Variants in ABCA13 observed in about 807,000 individuals in gnomAD.
ABCA13 encodes the protein ATP binding cassette subfamily A member 13, also known as ATP-binding cassette sub-family A member 13.
A neutral mutation model predicts 478.7 loss-of-function variants in ABCA13; 476 were observed. The observed-to-expected ratio is 0.99, with a 90% confidence interval of 0.92 to 1.07. The LOEUF (loss-of-function observed/expected upper bound fraction) is 1.07, where lower values mean the gene tolerates loss of function less well. Ranked by LOEUF, ABCA13 falls within the 50% of genes least tolerant of loss-of-function variation. ABCA13 has a pLI of 0.00. For missense variants in ABCA13, 6,060 were observed against 5,910.6 expected (o/e 1.03, Z -0.83); for synonymous variants, 2,252 against 2,158.9 (o/e 1.04, Z -1.20).
intron 29 of ABCA13, 26 bp downstream of exon 29, chr7:48,338,481 T>TGG: frequency 6.5e-7 from 1 of 1,549,848 alleles, no homozygotes; most frequent in Non-Finnish European, 8.8e-7. Context: ...GGCATGGTAG[T>TGG]GTTCTTCTGC....
At chr7:48,450,245 A>T (rs1281525022) in intron 42 of ABCA13, among the ~76,000 whole-genome samples, 3 of 152,216 alleles carry the variant, frequency 2.0e-5, no homozygotes, top group Admixed American at 2.0e-4. Flanking sequence ...AGAATTCTGT[A>T]ACTCACTGAA....
chr7:48,642,415 A>G (rs1795159622), intron 59 of ABCA13, among the ~76,000 whole-genome samples: 1 of 152,222 alleles, frequency 6.6e-6, no homozygotes, highest in Admixed American at 6.5e-5. Context: ...AAGACTGGGC[A>G]TGCCATTTCA....
Position 48,271,769 on chromosome 7 carries a change from A to G in ABCA13, c.2121-18A>G. 2 of 1,282,370 alleles carry G rather than the reference A, an allele frequency of 1.6e-6. No individual in the cohort carries two copies. Among genetic ancestry groups the G allele is most frequent in the Non-Finnish European group, 2.0e-6 (2 of 991,042 alleles). The allele number at this position is 1,282,370 out of a possible 1,614,324, so 79.4% of individuals were successfully genotyped here. On this transcript the variant is annotated intron_variant, in intron 16 of 61. Coordinates refer to ENST00000435803, the MANE Select transcript of ABCA13 (RefSeq NM_152701.5). The stretch of plus-strand genomic sequence containing the variant: ...TATTTTTTTATTTTATACTAAAATA[A>G]TTCTATTAATATTACAGGGCTTTAA...
At chr7:48,476,361 A>G (rs1251575262) in intron 45 of ABCA13, among the ~76,000 whole-genome samples, 1 of 152,192 alleles carries the variant, frequency 6.6e-6, no homozygotes, top group African/African-American at 2.4e-5. Flanking sequence ...CTGCTTGTAG[A>G]AAGAGGCCAA....
chr7:48,516,912 T>G, intron 52 of ABCA13, 31 bp downstream of exon 52: 1 of 1,599,616 alleles, frequency 6.3e-7, no homozygotes, highest in Non-Finnish European at 8.5e-7. Context: ...ACCTCTACAC[T>G]TCTGCACCTC....
chr7:48,534,462 T>G (rs1833437894), intron 55 of ABCA13, among the ~76,000 whole-genome samples: 1 of 152,176 alleles, frequency 6.6e-6, no homozygotes, highest in African/African-American at 2.4e-5. Flanking sequence ...ATTTGCATGG[T>G]TTTGAGGGTT....
intron 1 of ABCA13, among the ~76,000 whole-genome samples, chr7:48,181,797 CT>C (rs1417392514): frequency 1.3e-5 from 2 of 152,116 alleles, no homozygotes; most frequent in Non-Finnish European, 2.9e-5. Flanking sequence ...TTTTCTAGCT[CT>C]TCTTTCTTCT....
intron 42 of ABCA13, among the ~76,000 whole-genome samples, chr7:48,436,543 C>A (rs1822858104): frequency 6.6e-6 from 1 of 151,580 alleles, no homozygotes; most frequent in South Asian, 2.1e-4. Context: ...GTATTTACTC[C>A]ATTATTTCTG....
chr7:48,435,956 A>G (rs1822770359), intron 42 of ABCA13, among the ~76,000 whole-genome samples: 1 of 149,750 alleles, frequency 6.7e-6, no homozygotes, highest in African/African-American at 2.4e-5. Context: ...TTCATAAGGA[A>G]TATTAGTTGG....
chr7:48,447,031 C>T (rs1824396576), intron 42 of ABCA13, among the ~76,000 whole-genome samples: 1 of 152,222 alleles, frequency 6.6e-6, no homozygotes, highest in Admixed American at 6.5e-5. Flanking sequence ...TTCTTGCAGC[C>T]ATGCAGATCA....
intron 58 of ABCA13, among the ~76,000 whole-genome samples, chr7:48,611,095 C>A (rs934443345): frequency 3.9e-5 from 6 of 152,168 alleles, no homozygotes. Flanking sequence ...TGCAAATTTT[C>A]CAAACTTCTA....
Position 48,314,307 on chromosome 7 carries a change from C to G in ABCA13, c.9757C>G (p.Gln3253Glu), listed in dbSNP as rs752547844. The G allele has an allele frequency of 8.1e-6, 13 of 1,613,586 alleles. No homozygotes were observed. The highest frequency in any genetic ancestry group is 1.3e-5 in the African/African-American group (1 of 74,874). The change falls in exon 26 of 62, where the codon CAA becomes GAA. Residue 3253 changes from glutamine to glutamate, a missense_variant. Gln to Glu is a conservative substitution (Grantham distance 29). This residue lies in a region of ABCA13 where 4,423 missense variants were observed against 4,309.1 expected (regional missense o/e 1.03). Transcript: ENST00000435803. ...QFVMKMVCKDQASFLSDSNMF... is the reference protein window; with the variant it reads ...QFVMKMVCKDEASFLSDSNMF... ...TGTGATGAAGATGGTTTGCAAGGAC[C>G]AAGCATCATTCCTTAGCGATTCTAA...
chr7:48,461,978 G>T (rs1188072779), intron 43 of ABCA13, among the ~76,000 whole-genome samples: 1 of 152,070 alleles, frequency 6.6e-6, no homozygotes, highest in Admixed American at 6.5e-5. Context: ...AGTCTTATAG[G>T]TAGATACTTG....
chr7:48,190,385 G>T (rs1796941163), intron 1 of ABCA13, among the ~76,000 whole-genome samples: 1 of 152,252 alleles, frequency 6.6e-6, no homozygotes, highest in Admixed American at 6.5e-5. Flanking sequence ...AACTATAATA[G>T]AGTAATATAT....
chr7:48,335,466 A>G lies in ABCA13; in HGVS notation c.10044A>G (p.Ser3348=). The change falls in exon 28 of 62, where the codon TCA becomes TCG. Residue 3348 remains serine, a synonymous_variant. Transcript: ENST00000435803. ...TTGTGGACAAACTAAAAACTTTATC[A>G]GAAACACTGCTGGAAATGTCCAGCC... ...FYIVDKLKTL[S]ETLLEMSSLF... 1.2e-6 allele frequency: 2 copies of G among 1,613,644 alleles called. No homozygotes were observed. Among genetic ancestry groups the G allele is most frequent in the Non-Finnish European group, 1.7e-6 (2 of 1,179,662 alleles).
intron 59 of ABCA13, among the ~76,000 whole-genome samples, chr7:48,620,359 G>T (rs779685922): frequency 2.6e-5 from 4 of 152,290 alleles, no homozygotes; most frequent in Non-Finnish European, 5.9e-5. Flanking sequence ...AGTAAAAGCA[G>T]CATGACCATT....
rs956264231 is a variant in ABCA13, at chr7:48,278,081, T to C, written c.6900-13T>C. The C allele has an allele frequency of 7.1e-6, 7 of 989,728 alleles. No individual in the cohort carries two copies. The highest frequency in any genetic ancestry group is 9.6e-6 in the Non-Finnish European group (7 of 730,202). The allele number at this position is 989,728 out of a possible 1,614,324, so 61.3% of individuals were successfully genotyped here. On this transcript the variant is annotated splice_polypyrimidine_tract_variant and intron_variant, in intron 17 of 61. Transcript: ENST00000435803. ...AAATTAAATTAAAAGTATATATATATATATATTTACAGTTTTGTCCCAAAA... is the reference window on the plus strand; with the variant it reads ...AAATTAAATTAAAAGTATATATATACATATATTTACAGTTTTGTCCCAAAA...
At position 48,489,321 on chromosome 7, in the gene ABCA13, C is replaced by T. The variant is rs200484070; in HGVS notation, c.13268C>T (p.Pro4423Leu). 2.0e-4 allele frequency: 322 copies of T among 1,608,686 alleles called. No individual in the cohort carries two copies. The highest frequency in any genetic ancestry group is 2.6e-4 in the Non-Finnish European group (305 of 1,175,694). ...NNLILWQHLPPTVDWRQYGIT... is the reference protein window; with the variant it reads ...NNLILWQHLPLTVDWRQYGIT... ...CTTATTTTGTGGCAGCACCTACCCC[C>T]TACTGTGGACTGGAGACAATACGGT... is the stretch of plus-strand genomic sequence containing the variant. Residue 4423 changes from proline to leucine, a missense_variant, in exon 48 of 62, where the codon CCT becomes CTT. Transcript: ENST00000435803.
chr7:48,588,190 G>C (rs1367982829), intron 57 of ABCA13, among the ~76,000 whole-genome samples: 1 of 152,036 alleles, frequency 6.6e-6, no homozygotes. Flanking sequence ...TTCTTTTTAG[G>C]TACCATAAAT....
Sources: gnomAD v4.1 joint callset for allele counts (sites outside exome capture counted in the v4.1 genomes callset) on GRCh38, gnomAD v4.1.1 for gene constraint, gnomAD v4.1.1 regional missense constraint, MANE v1.5 for transcripts, NCBI Gene and HGNC (gene_info 2026-07-23, HGNC 2026-07-21) for gene names.